Variants in P3H2 observed in about 807,000 individuals in gnomAD.
P3H2 encodes leprecan-like 1.
In P3H2, 80 loss-of-function variants were observed where a neutral mutation model predicts 87.0. That is an observed-to-expected ratio of 0.92 (90% confidence interval 0.77 to 1.11). The LOEUF is 1.11. P3H2 is among the 50% of genes least tolerant of loss of function. The pLI, the probability that P3H2 is intolerant of heterozygous loss-of-function variation, is 0.00. For synonymous variants in P3H2, 367 were observed against 359.3 expected, an observed-to-expected ratio of 1.02 and a Z score of -0.24; for missense variants, 1,001 against 923.9, an observed-to-expected ratio of 1.08 and a Z score of -1.08.
chr3:190,012,760 C>T (rs937581918), intron 1 of P3H2, among the ~76,000 whole-genome samples: 9 of 152,166 alleles, frequency 5.9e-5, no homozygotes, highest in African/African-American at 1.9e-4. Context: ...GTATTATAAT[C>T]ATCCACTGTT....
intron 1 of P3H2, among the ~76,000 whole-genome samples, chr3:190,103,405 GA>G (rs1711707919): frequency 6.6e-6 from 1 of 152,226 alleles, no homozygotes; most frequent in Non-Finnish European, 1.5e-5. Context: ...TGGGTTACAG[GA>G]AAAGAAATCA....
chr3:190,083,895 T>G (rs1226093001), intron 1 of P3H2, among the ~76,000 whole-genome samples: 1 of 152,204 alleles, frequency 6.6e-6, no homozygotes, highest in Non-Finnish European at 1.5e-5. Flanking sequence ...AACCACAAGC[T>G]TGGCTGGATT....
At chr3:190,072,537 G>A (rs1375692745) in intron 1 of P3H2, among the ~76,000 whole-genome samples, 4 of 152,036 alleles carry the variant, frequency 2.6e-5, no homozygotes, top group African/African-American at 9.7e-5. Context: ...CTACTTCTAA[G>A]GATGTACTTA....
At chr3:190,021,282 G>A (rs2108940798) in intron 1 of P3H2, among the ~76,000 whole-genome samples, 1 of 135,044 alleles carries the variant, frequency 7.4e-6, no homozygotes, top group Admixed American at 7.5e-5. Flanking sequence ...ACAATCAGTG[G>A]TTCCCTTTCT....
At chr3:190,093,259 T>C (rs1299783130) in intron 1 of P3H2, among the ~76,000 whole-genome samples, 1 of 152,188 alleles carries the variant, frequency 6.6e-6, no homozygotes, top group Non-Finnish European at 1.5e-5. Context: ...CAGTGCTCAG[T>C]GAACAGTGGT....
intron 1 of P3H2, among the ~76,000 whole-genome samples, chr3:190,048,722 G>A (rs79634405): frequency 0.022 from 3,336 of 152,034 alleles, 46 homozygotes; most frequent in Non-Finnish European, 0.036. Context: ...TGGACTATAG[G>A]GACAGTAGCA....
intron 1 of P3H2, among the ~76,000 whole-genome samples, chr3:190,059,937 T>C (rs976899215): frequency 8.5e-5 from 13 of 152,308 alleles, no homozygotes; most frequent in African/African-American, 2.9e-4. Flanking sequence ...GAAACTCTAA[T>C]TGGTATAGTT....
At chr3:190,081,615 C>G (rs984953365) in intron 1 of P3H2, among the ~76,000 whole-genome samples, 13 of 152,122 alleles carry the variant, frequency 8.5e-5, no homozygotes, top group African/African-American at 2.9e-4. Flanking sequence ...TGACTAGTGA[C>G]AAGTGACTAC....
chr3:190,019,104 T>C (rs2108939542), intron 1 of P3H2, among the ~76,000 whole-genome samples: 1 of 152,298 alleles, frequency 6.6e-6, no homozygotes, highest in South Asian at 2.1e-4. Context: ...TTCATTTCAA[T>C]AGCTGGGAAG....
intron 1 of P3H2, 79 bp from the exon 2 acceptor site, chr3:189,995,521 A>T (rs1724027525): frequency 6.8e-7 from 1 of 1,466,078 alleles, no homozygotes; most frequent in Non-Finnish European, 9.3e-7. Flanking sequence ...ATCAATCCAA[A>T]ATCTCACAGT....
chr3:189,980,542 G>GAC (rs1208764732), intron 8 of P3H2, among the ~76,000 whole-genome samples: 1 of 151,490 alleles, frequency 6.6e-6, no homozygotes, highest in Non-Finnish European at 1.5e-5. Context: ...CAGCCTGGGG[G>GAC]ACAGAGCGAG....
chr3:190,015,569 A>C (rs1724726435), intron 1 of P3H2, among the ~76,000 whole-genome samples: 1 of 151,956 alleles, frequency 6.6e-6, no homozygotes, highest in Non-Finnish European at 1.5e-5. Context: ...TGTCTCCCTC[A>C]ATCATCTTCT....
chr3:190,041,358 T>C (rs1725630447), intron 1 of P3H2, among the ~76,000 whole-genome samples: 1 of 151,502 alleles, frequency 6.6e-6, no homozygotes, highest in African/African-American at 2.4e-5. Flanking sequence ...TGTTTCTTTT[T>C]AGCATATTAA....
At chr3:189,984,404 C>T in intron 7 of P3H2, 146 bp downstream of exon 7, 1 of 638,114 alleles carries the variant, frequency 1.6e-6, no homozygotes, top group Non-Finnish European at 2.8e-6. Context: ...GAGCTGGGAC[C>T]TGGATGTAGA....
intron 1 of P3H2, among the ~76,000 whole-genome samples, chr3:190,004,598 G>A (rs1432404165): frequency 1.3e-5 from 2 of 152,002 alleles, no homozygotes; most frequent in Admixed American, 1.3e-4. Flanking sequence ...TAGCCGGGAT[G>A]GTCTCGATCT....
intron 14 of P3H2, 105 bp downstream of exon 14, chr3:189,963,853 C>A (rs1464089126): frequency 8.7e-7 from 1 of 1,146,788 alleles, no homozygotes; most frequent in African/African-American, 1.5e-5. Context: ...TAAGAACTGC[C>A]TTTACCCTCT....
At chr3:190,020,214 A>G (rs1209256410) in intron 1 of P3H2, among the ~76,000 whole-genome samples, 1 of 134,168 alleles carries the variant, frequency 7.5e-6, no homozygotes, top group African/African-American at 2.6e-5. Flanking sequence ...GGTTTCAGGA[A>G]ACCTACACCA....
intron 1 of P3H2, among the ~76,000 whole-genome samples, chr3:190,060,166 C>A (rs558001842): frequency 6.6e-6 from 1 of 152,178 alleles, no homozygotes; most frequent in African/African-American, 2.4e-5. Context: ...ATGAAGCACC[C>A]AATTTGTTGA....
At position 189,987,614 on chromosome 3, in the gene P3H2, T is replaced by C; in HGVS notation, c.1011A>G (p.Pro337=). 6.2e-7 allele frequency: 1 copy of C among 1,614,174 alleles called. No homozygotes were observed. The highest frequency in any genetic ancestry group is 8.5e-7 in the Non-Finnish European group (1 of 1,180,010). The part of the protein sequence containing the change: ...ECAKAYLLCH[P]DDEDVLDNVD... ...CATTGTCTAGGACATCCTCATCATC[T>C]GGATGGCATAGAAGATAGGCTTTGG... is the stretch of plus-strand genomic sequence containing the variant. The change falls in exon 5 of 15, where the codon CCA becomes CCG. Residue 337 remains proline, a synonymous_variant. Transcript: ENST00000319332.
Sources: allele counts gnomAD v4.1 joint callset (sites outside exome capture counted in the v4.1 genomes callset), GRCh38; gene constraint gnomAD v4.1.1; transcripts MANE v1.5; gene names NCBI Gene and HGNC (gene_info 2026-07-23, HGNC 2026-07-21).